Variants in PHACTR3 observed in about 807,000 individuals in gnomAD.
PHACTR3 encodes protein phosphatase 1, regulatory subunit 123.
In PHACTR3, 16 loss-of-function variants were observed where a neutral mutation model predicts 66.8. That is an observed-to-expected ratio of 0.24 (90% CI 0.16 to 0.36). The LOEUF is 0.36. Ranked by LOEUF, PHACTR3 falls within the 10% of genes least tolerant of loss-of-function variation. The probability of loss-of-function intolerance (pLI) is 1.00; values close to 1 mark genes in which losing one functional copy is unlikely to be tolerated. For missense variants in PHACTR3, 647 were observed against 719.9 expected (o/e 0.90, Z 1.16); for synonymous variants, 323 against 292.1 (o/e 1.11, Z -1.08).
intron 1 of PHACTR3, among the ~76,000 whole-genome samples, chr20:59,584,453 AGTGT>A (rs1459404643): frequency 1.3e-5 from 2 of 151,600 alleles, no homozygotes; most frequent in Admixed American, 6.6e-5. Context: ...GCCGTGCAGG[AGTGT>A]GTGTGAAGGT....
chr20:59,702,549 C>T (rs887083569), intron 1 of PHACTR3, among the ~76,000 whole-genome samples: 2 of 152,216 alleles, frequency 1.3e-5, no homozygotes, highest in African/African-American at 4.8e-5. Flanking sequence ...CTGCACTTTT[C>T]ACTCTCTGAA....
intron 4 of PHACTR3, among the ~76,000 whole-genome samples, chr20:59,766,433 G>GTT (rs778745604): frequency 3.4e-4 from 52 of 152,296 alleles, no homozygotes; most frequent in Non-Finnish European, 6.0e-4. Context: ...GATTGTTGTT[G>GTT]AAATAATGGA....
intron 1 of PHACTR3, among the ~76,000 whole-genome samples, chr20:59,693,004 G>C (rs989644302): frequency 2.6e-5 from 4 of 152,124 alleles, no homozygotes; most frequent in Admixed American, 6.5e-5. Context: ...TATATGGTGC[G>C]TGGCTGTCTT....
Position 59,786,728 on chromosome 20 carries a change from G to A in PHACTR3, c.1174+12238G>A, listed in dbSNP as rs151104762. On this transcript the variant is annotated intron_variant, in intron 7 of 12. Coordinates refer to ENST00000371015, the MANE Select transcript of PHACTR3 (RefSeq NM_080672.5). Reference sequence around the variant, plus strand: ...CAGAGCACTCTCTGTGCAGTTGACGGGTGTCCATGGAGCTCTTTCTGTGCA... The same window carrying A: ...CAGAGCACTCTCTGTGCAGTTGACGAGTGTCCATGGAGCTCTTTCTGTGCA... Among the ~76,000 whole-genome samples, 363 of 151,544 alleles carry A rather than the reference G, an allele frequency of 2.4e-3. 6 individuals are homozygous for A. The highest frequency in any genetic ancestry group is 0.017 in the Admixed American group (258 of 15,224).
intron 4 of PHACTR3, among the ~76,000 whole-genome samples, chr20:59,763,010 A>G (rs2040048772): frequency 6.6e-6 from 1 of 152,114 alleles, no homozygotes; most frequent in African/African-American, 2.4e-5. Context: ...AGTAGGTGAT[A>G]TGGTTTCGCT....
chr20:59,774,230 C>A lies in PHACTR3; in HGVS notation c.927-13C>A. The A allele has an allele frequency of 6.4e-7, 1 of 1,566,156 alleles. No homozygotes were observed. The highest frequency in any genetic ancestry group is 1.2e-5 in the South Asian group (1 of 81,506). The stretch of plus-strand genomic sequence containing the variant: ...GGGGGTGACCTATAACCTGAACCAT[C>A]TTTCTGGTTTAGTTTTCAAGGAAGA... On this transcript the variant is annotated splice_polypyrimidine_tract_variant and intron_variant, in intron 6 of 12. Coordinates refer to ENST00000371015, the MANE Select transcript of PHACTR3 (RefSeq NM_080672.5).
At chr20:59,637,661 A>G (rs2034942162) in intron 1 of PHACTR3, among the ~76,000 whole-genome samples, 1 of 151,350 alleles carries the variant, frequency 6.6e-6, no homozygotes, top group Non-Finnish European at 1.5e-5. Flanking sequence ...ATGATCCTTA[A>G]CCAACCAACA....
chr20:59,609,560 T>A (rs752989188), intron 1 of PHACTR3, among the ~76,000 whole-genome samples: 4 of 149,300 alleles, frequency 2.7e-5, no homozygotes, highest in Non-Finnish European at 5.9e-5. Context: ...TTGGTTCTCT[T>A]CCTCTTACCG....
chr20:59,610,280 G>GC (rs2033808272), intron 1 of PHACTR3, among the ~76,000 whole-genome samples: 2 of 152,134 alleles, frequency 1.3e-5, no homozygotes, highest in African/African-American at 2.4e-5. Flanking sequence ...CCTGTTCTCT[G>GC]CCCCCTTCTC....
intron 1 of PHACTR3, among the ~76,000 whole-genome samples, chr20:59,587,367 C>CCGAGT (rs1457441374): frequency 6.6e-6 from 1 of 152,236 alleles, no homozygotes; most frequent in Non-Finnish European, 1.5e-5. Flanking sequence ...CAGCTCTGCC[C>CCGAGT]CGAGTCCCAG....
In PHACTR3 at chr20:59,754,950, C is replaced by G. The variant is rs1404429548; in HGVS notation, c.359-232C>G. Among the ~76,000 whole-genome samples, 3 of 152,162 alleles carry G rather than the reference C, an allele frequency of 2.0e-5. No homozygotes were observed. The East Asian group carries it at 5.8e-4, about 29-fold the overall frequency. On this transcript the variant is annotated intron_variant, in intron 3 of 12. Transcript: ENST00000371015. ...CCACAGGTGTCGGAGGAAGAGTGCACACAGGGAGTGGAGTGTAAGAGCAGA... is the reference window on the plus strand; with the variant it reads ...CCACAGGTGTCGGAGGAAGAGTGCAGACAGGGAGTGGAGTGTAAGAGCAGA...
At chr20:59,628,759 T>C in intron 1 of PHACTR3, 2 of 985,510 alleles carry the variant, frequency 2.0e-6, no homozygotes, top group Non-Finnish European at 2.4e-6. Flanking sequence ...TGTGGGACCC[T>C]GGAAGGCTGG....
At chr20:59,845,709 C>T (rs73129393) in intron 12 of PHACTR3, among the ~76,000 whole-genome samples, 14,518 of 152,120 alleles carry the variant, frequency 0.095, 901 homozygotes, top group East Asian at 0.28. Flanking sequence ...CAGCGTTCTC[C>T]TAAAGCTGAG....
At chr20:59,813,713 G>A (rs952780256) in intron 8 of PHACTR3, among the ~76,000 whole-genome samples, 1 of 152,166 alleles carries the variant, frequency 6.6e-6, no homozygotes, top group Non-Finnish European at 1.5e-5. Flanking sequence ...TACCCTGGGG[G>A]CTGAGAAGGT....
chr20:59,623,232 G>T (rs2034324208), intron 1 of PHACTR3, among the ~76,000 whole-genome samples: 1 of 152,058 alleles, frequency 6.6e-6, no homozygotes, highest in Non-Finnish European at 1.5e-5. Context: ...GGTGGGGCAG[G>T]TATGTCGGCT....
At chr20:59,698,304 GA>G (rs930640971) in intron 1 of PHACTR3, among the ~76,000 whole-genome samples, 6 of 152,134 alleles carry the variant, frequency 3.9e-5, no homozygotes, top group African/African-American at 9.7e-5. Context: ...GATGGAGAGA[GA>G]GGGGCAGGGA....
chr20:59,724,879 T>C (rs1246793177), intron 1 of PHACTR3, among the ~76,000 whole-genome samples: 1 of 152,210 alleles, frequency 6.6e-6, no homozygotes, highest in African/African-American at 2.4e-5. Flanking sequence ...TCAGGTGTGC[T>C]GTGTGCTCAG....
intron 8 of PHACTR3, among the ~76,000 whole-genome samples, chr20:59,818,059 C>A (rs994048552): frequency 6.6e-6 from 1 of 152,178 alleles, no homozygotes; most frequent in African/African-American, 2.4e-5. Context: ...GGAGCCTCAG[C>A]GAACCTGTCT....
At chr20:59,638,208 T>C (rs1343241069) in intron 1 of PHACTR3, among the ~76,000 whole-genome samples, 3 of 152,232 alleles carry the variant, frequency 2.0e-5, no homozygotes, top group African/African-American at 7.2e-5. Context: ...ACACTGTCAT[T>C]TAACTGCTAT....
Sources: allele counts gnomAD v4.1 joint callset (sites outside exome capture counted in the v4.1 genomes callset), GRCh38; gene constraint gnomAD v4.1.1; transcripts MANE v1.5; gene names NCBI Gene and HGNC (gene_info 2026-07-23, HGNC 2026-07-21).